TBC1D3B: variants seen among roughly 807,000 people sequenced by gnomAD.
TBC1D3B encodes TBC1 domain family member 3B.
Under a neutral mutation model 27.1 loss-of-function variants are expected in TBC1D3B, and 2 were observed. That is an observed-to-expected ratio of 0.07 (90% CI 0.03 to 0.23). TBC1D3B has a LOEUF of 0.23. TBC1D3B is among the 10% of genes least tolerant of loss of function. The pLI is 1.00. For missense variants in TBC1D3B, 17 were observed against 401.3 expected (o/e 0.04, Z 8.18); for synonymous variants, 3 against 150.1 (o/e 0.02, Z 7.16).
chr17:36,170,771 C>A (rs1356802367), intron 7 of TBC1D3B, among the ~76,000 whole-genome samples, 168 bp from the exon 8 acceptor site: 9 of 75,450 alleles, frequency 1.2e-4, no homozygotes, highest in African/African-American at 2.3e-4. Context: ...CAGTAAAATC[C>A]ACATCTGTGA....
At position 36,167,088 on chromosome 17, in the gene TBC1D3B, G is replaced by C. The variant is rs1244132236; in HGVS notation, c.1081+456C>G. ...GTGCCCTCTCCCTGAATGCTCTGTG[G>C]GTCAGGGACACCGATTCCCTTGACT... is the stretch of plus-strand genomic sequence containing the variant. On this transcript the variant is annotated intron_variant, in intron 13 of 13. Transcript: ENST00000611257. Among the ~76,000 whole-genome samples, 534 of 107,928 alleles carry C rather than the reference G, an allele frequency of 4.9e-3. 1 individual carries two copies. The highest frequency in any genetic ancestry group is 0.013 in the African/African-American group (499 of 39,312). 70.8% of individuals were successfully genotyped at this position (107,928 alleles called of 152,430 possible).
chr17:36,169,437 C>T (rs1330053683), intron 9 of TBC1D3B, among the ~76,000 whole-genome samples: 3 of 149,494 alleles, frequency 2.0e-5, no homozygotes, highest in African/African-American at 2.4e-5. Flanking sequence ...ACAGGGTGGC[C>T]GGAACTGGGT....
Position 36,174,979 on chromosome 17 carries a change from C to A in TBC1D3B, c.72G>T (p.Lys24Asn). Residue 24 changes from lysine to asparagine, a missense_variant and splice_region_variant, in exon 2 of 14, where the codon AAG becomes AAT. Physicochemically the swap from Lys to Asn is moderately conservative, Grantham distance 94. Transcript: ENST00000611257. ...EREDIIMKYE[K>N]GHRAGLPEDK... is the part of the protein sequence containing the mutation. ...CTCCAAGAAGCAGACCGACTTGTACCTTTTCGTATTTCATAATGATGTCCT... is the reference window on the plus strand; with the variant it reads ...CTCCAAGAAGCAGACCGACTTGTACATTTTCGTATTTCATAATGATGTCCT... 1.4e-6 allele frequency: 1 copy of A among 732,254 alleles called. No individual in the cohort carries two copies. Among genetic ancestry groups the A allele is most frequent in the East Asian group, 2.9e-5 (1 of 34,654 alleles). The allele number at this position is 732,254 out of a possible 1,614,324, so 45.4% of individuals were successfully genotyped here.
intron 9 of TBC1D3B, among the ~76,000 whole-genome samples, chr17:36,169,610 T>G (rs2068320302): frequency 7.4e-6 from 1 of 134,548 alleles, no homozygotes; most frequent in Non-Finnish European, 1.8e-5. Flanking sequence ...GAGGGGAGAG[T>G]CAGCTGCACA....
chr17:36,171,900 C>G lies in TBC1D3B; in HGVS notation c.452G>C (p.Gly151Ala). The G allele has an allele frequency of 6.2e-7, 1 of 1,600,958 alleles. No homozygotes were observed. Among genetic ancestry groups the G allele is most frequent in the Non-Finnish European group, 8.6e-7 (1 of 1,169,584 alleles). ...HIQRIDRDIS[G>A]TLRKHMFFRD... ...GAAGAACATATGCTTCCTTAATGTC[C>G]CGCTTATGTCCCGGTCGATGCGCTG... Residue 151 changes from glycine (G) to alanine (A), a missense_variant, in exon 7 of 14, where the codon GGG becomes GCG. Coordinates refer to ENST00000611257, the MANE Select transcript of TBC1D3B (RefSeq NM_001001417.7).
chr17:36,165,694 A>C lies in TBC1D3B; in HGVS notation c.*301T>G. 3 of 916,674 alleles carry C rather than the reference A, an allele frequency of 3.3e-6. No homozygotes were observed. Among genetic ancestry groups the C allele is most frequent in the Non-Finnish European group, 4.9e-6 (3 of 611,786 alleles). 56.8% of individuals were successfully genotyped at this position (916,674 alleles called of 1,614,324 possible). A position where few individuals can be genotyped will look rare whatever the true frequency, so the allele number is the denominator to read the frequency against. ...AAAATCTAAAAGCATTTCAACAGGA[A>C]ACATTTATTTCAAAACGTGAAGGTA... On this transcript the variant is annotated 3_prime_UTR_variant, in exon 14 of 14. Coordinates refer to ENST00000611257, the MANE Select transcript of TBC1D3B (RefSeq NM_001001417.7).
Position 36,176,530 on chromosome 17 carries a change from C to CT in TBC1D3B, c.-53dup. 1 of 123,440 alleles carries CT rather than the reference C, an allele frequency of 8.1e-6. No homozygotes were observed. Among genetic ancestry groups the CT allele is most frequent in the Non-Finnish European group, 2.0e-5 (1 of 50,780 alleles). The allele number at this position is 123,440 out of a possible 1,614,324, so 7.6% of individuals were successfully genotyped here. On this transcript the variant is annotated 5_prime_UTR_variant, in exon 1 of 14. Transcript: ENST00000611257. ...GGGTCATGCCTCTCAGGGAGAAAAC[C>CT]TTTGAGTCCACAGAGCTGCTCACAG...
At chr17:36,170,809 C>T (rs1246077977) in intron 7 of TBC1D3B, among the ~76,000 whole-genome samples, 14 of 84,114 alleles carry the variant, frequency 1.7e-4, no homozygotes, top group African/African-American at 3.6e-4. Context: ...TGTACAGTGA[C>T]TTGCCTGATC....
At chr17:36,170,836 A>G (rs1156780826) in intron 7 of TBC1D3B, among the ~76,000 whole-genome samples, 2 of 69,182 alleles carry the variant, frequency 2.9e-5, no homozygotes, top group Non-Finnish European at 1.1e-4. Context: ...ACTCTGAATG[A>G]TTTTTTTTTT....
intron 7 of TBC1D3B, among the ~76,000 whole-genome samples, chr17:36,170,835 G>A (rs1425399471): frequency 2.3e-5 from 2 of 86,686 alleles, no homozygotes; most frequent in East Asian, 4.5e-4. Flanking sequence ...CACTCTGAAT[G>A]ATTTTTTTTT....
At chr17:36,169,022 C>G (rs1441738697) in intron 10 of TBC1D3B, 58 bp downstream of exon 10, 2 of 1,584,886 alleles carry the variant, frequency 1.3e-6, no homozygotes, top group Non-Finnish European at 1.7e-6. Context: ...CCCCCCTGCT[C>G]CTACAGCCCC....
chr17:36,167,885 C>A (rs1175145370), intron 12 of TBC1D3B, among the ~76,000 whole-genome samples, 182 bp downstream of exon 12: 2 of 31,886 alleles, frequency 6.3e-5, no homozygotes, highest in African/African-American at 1.3e-4. Context: ...ACACTCTCGA[C>A]TTTCATCTGG....
intron 7 of TBC1D3B, among the ~76,000 whole-genome samples, chr17:36,171,299 C>G (rs1439277722): frequency 6.6e-6 from 1 of 151,192 alleles, no homozygotes; most frequent in African/African-American, 2.4e-5. Context: ...AAGCAGTGAA[C>G]CTGGCATGCT....
In TBC1D3B at chr17:36,171,502, G is replaced by A. The variant is rs1211158688; in HGVS notation, c.497+353C>T. ...CCTAATTCTCCCAGCATTTGGTGCTGTCACTGTTGCCTGGGGGGGCTCATG... is the reference window on the plus strand; with the variant it reads ...CCTAATTCTCCCAGCATTTGGTGCTATCACTGTTGCCTGGGGGGGCTCATG... On this transcript the variant is annotated intron_variant, in intron 7 of 13. Transcript: ENST00000611257. Among the ~76,000 whole-genome samples the A allele has an allele frequency of 1.1e-4, 16 of 151,430 alleles. No individual in the cohort carries two copies. The East Asian group carries it at 2.9e-3, about 27-fold the overall frequency.
At chr17:36,169,535 G>A (rs1443574342) in intron 9 of TBC1D3B, among the ~76,000 whole-genome samples, 4 of 148,986 alleles carry the variant, frequency 2.7e-5, no homozygotes, top group East Asian at 1.9e-4. Flanking sequence ...GGGCTTGGTC[G>A]GCCCATTCGT....
intron 9 of TBC1D3B, 102 bp from the exon 10 acceptor site, chr17:36,169,276 G>T (rs1299126797): frequency 6.4e-7 from 1 of 1,563,104 alleles, no homozygotes; most frequent in Middle Eastern, 2.3e-4. Context: ...AAACCCCAAG[G>T]CTACTCCCAC....
intron 9 of TBC1D3B, among the ~76,000 whole-genome samples, chr17:36,169,575 G>T (rs2068319628): frequency 6.9e-6 from 1 of 145,848 alleles, no homozygotes; most frequent in Non-Finnish European, 1.6e-5. Context: ...AGCCCGGGCA[G>T]CTGGAGGGCA....
rs1243709669 is a variant in TBC1D3B at position 36,168,439 on chromosome 17, G to A, written c.828+191C>T. ...TTGGGTCCTGGCCCAGTCTGCCCAT[G>A]AGGCTGGGCCTGAGCCCCAGCCATT... On this transcript the variant is annotated intron_variant, in intron 11 of 13. Transcript: ENST00000611257. Among the ~76,000 whole-genome samples the A allele has an allele frequency of 5.4e-3, 324 of 59,638 alleles. 110 individuals carry two copies. The highest frequency in any genetic ancestry group is 0.014 in the African/African-American group (298 of 20,892). 39.1% of individuals were successfully genotyped at this position (59,638 alleles called of 152,430 possible).
At chr17:36,169,249 C>T in intron 9 of TBC1D3B, 75 bp from the exon 10 acceptor site, 8 of 1,575,742 alleles carry the variant, frequency 5.1e-6, no homozygotes, top group Non-Finnish European at 7.0e-6. Context: ...AAGAGCTGGG[C>T]AGCTGGAGAG....
Sources: allele counts gnomAD v4.1 joint callset (sites outside exome capture counted in the v4.1 genomes callset), GRCh38; gene constraint gnomAD v4.1.1; transcripts MANE v1.5; gene names NCBI Gene and HGNC (gene_info 2026-07-23, HGNC 2026-07-21).